Variants in ATR observed in about 807,000 individuals in gnomAD.
The protein encoded by ATR is serine/threonine-protein kinase ATR.
A neutral mutation model predicts 305.3 loss-of-function variants in ATR; 142 were observed. That is an observed-to-expected ratio of 0.47 (90% CI 0.41 to 0.53). ATR has a LOEUF of 0.53. ATR is among the 20% of genes least tolerant of loss of function. The pLI is 0.00. For synonymous variants in ATR, 1,050 were observed against 1,068.1 expected (o/e 0.98, Z 0.33); for missense variants, 2,135 against 3,133.1 (o/e 0.68, Z 7.60).
intron 21 of ATR, among the ~76,000 whole-genome samples, chr3:142,534,050 C>T (rs566099071): frequency 1.3e-5 from 2 of 152,062 alleles, no homozygotes; most frequent in Admixed American, 1.3e-4. Context: ...TTGGAAATAA[C>T]CTAAACTAGA....
chr3:142,562,628 A>C lies in ATR; in HGVS notation c.774T>G (p.Leu258=), dbSNP rs1401456560. The C allele has an allele frequency of 6.2e-7, 1 of 1,614,140 alleles. No homozygotes were observed. ...AISFLTELFQ[L]GGLPAQPAST... The stretch of plus-strand genomic sequence containing the variant: ...TAGCTGGTTGTGCTGGTAGTCCTCC[A>C]AGCTGAAAAAGTTCTGTTAAAAAGC... The change falls in exon 4 of 47, where the codon CTT becomes CTG. Residue 258 remains leucine (L), a synonymous_variant. Transcript: ENST00000350721.
intron 1 of ATR, among the ~76,000 whole-genome samples, chr3:142,570,991 C>G (rs1401831872): frequency 6.6e-6 from 1 of 152,160 alleles, no homozygotes; most frequent in African/African-American, 2.4e-5. Flanking sequence ...GACTCCTCTT[C>G]TTGGAACCAG....
In ATR at chr3:142,462,007, C is replaced by G. The variant is rs2108265987; in HGVS notation, c.7125G>C (p.Gly2375=). 2 of 1,613,542 alleles carry G rather than the reference C, an allele frequency of 1.2e-6. No homozygotes were observed. Among genetic ancestry groups the G allele is most frequent in the Non-Finnish European group, 1.7e-6 (2 of 1,179,680 alleles). Residue 2375 remains glycine (G), a synonymous_variant, in exon 42 of 47, where the codon GGG becomes GGC. Coordinates refer to ENST00000350721, the MANE Select transcript of ATR (RefSeq NM_001184.4). ...YAVIPLNDEC[G]IIEWVNNTAG... is the part of the protein sequence containing the mutation. ...CAGTGTTGTTCACCCATTCAATAATCCCACATTCATCATTTAGTGGAATAA... is the reference window on the plus strand; with the variant it reads ...CAGTGTTGTTCACCCATTCAATAATGCCACATTCATCATTTAGTGGAATAA...
chr3:142,468,010 A>T lies in ATR; in HGVS notation c.6611T>A (p.Met2204Lys), dbSNP rs2108276072. 6.2e-7 allele frequency: 1 copy of T among 1,613,120 alleles called. No individual in the cohort carries two copies. Among genetic ancestry groups the T allele is most frequent in the Non-Finnish European group, 8.5e-7 (1 of 1,179,498 alleles). ...AACAAACTTCTCTAAGGATTTTTTC[A>T]TATGAATAGCTTTATTGAGGATTTC... ...CKEILNKAIH[M>K]KKSLEKFVGD... Residue 2204 changes from methionine to lysine, a missense_variant, in exon 39 of 47, where the codon ATG (methionine) becomes AAG (lysine). By Grantham distance (95) the Met-to-Lys change is moderately conservative. Coordinates refer to ENST00000350721, the MANE Select transcript of ATR (RefSeq NM_001184.4).
intron 21 of ATR, among the ~76,000 whole-genome samples, chr3:142,526,568 T>C (rs1255044924): frequency 3.3e-5 from 5 of 151,988 alleles, no homozygotes; most frequent in African/African-American, 4.8e-5. Flanking sequence ...TGTACACATA[T>C]ACATTAAGAT....
chr3:142,476,602 TTAAAG>T (rs1378841129), intron 36 of ATR, among the ~76,000 whole-genome samples: 1 of 152,176 alleles, frequency 6.6e-6, no homozygotes, highest in Non-Finnish European at 1.5e-5. Context: ...CATATGAACT[TTAAAG>T]TAGTTTTTTC....
intron 1 of ATR, among the ~76,000 whole-genome samples, chr3:142,571,068 G>A (rs1224625593): frequency 6.6e-6 from 1 of 152,072 alleles, no homozygotes; most frequent in Non-Finnish European, 1.5e-5. Context: ...AGAATGGATG[G>A]GTACAGACGC....
intron 3 of ATR, 71 bp downstream of exon 3, chr3:142,566,050 T>C: frequency 6.3e-7 from 1 of 1,593,646 alleles, no homozygotes; most frequent in South Asian, 1.1e-5. Context: ...ACATGTAATA[T>C]TTCAGAAGAG....
intron 21 of ATR, among the ~76,000 whole-genome samples, chr3:142,533,704 A>T (rs1345568217): frequency 6.6e-6 from 1 of 152,130 alleles, no homozygotes; most frequent in African/African-American, 2.4e-5. Context: ...CCAGTTATAG[A>T]TGCTAAACTA....
intron 37 of ATR, among the ~76,000 whole-genome samples, 187 bp downstream of exon 37, chr3:142,469,893 GAATTAA>G (rs1559913498): frequency 6.6e-6 from 1 of 152,096 alleles, no homozygotes; most frequent in African/African-American, 2.4e-5. Context: ...TTGTGGCCCT[GAATTAA>G]AACTACTTTA....
intron 21 of ATR, among the ~76,000 whole-genome samples, chr3:142,529,658 G>C (rs766654060): frequency 6.6e-6 from 1 of 152,080 alleles, no homozygotes; most frequent in Non-Finnish European, 1.5e-5. Context: ...TTAAAACCGT[G>C]TTCTCATACA....
intron 24 of ATR, among the ~76,000 whole-genome samples, chr3:142,516,450 C>A (rs916808161): frequency 2.0e-5 from 3 of 152,154 alleles, no homozygotes; most frequent in African/African-American, 7.2e-5. Context: ...AGTCAGTGGG[C>A]CGCTAAAGTT....
intron 23 of ATR, 33 bp downstream of exon 23, chr3:142,522,695 T>C: frequency 6.6e-7 from 1 of 1,521,724 alleles, no homozygotes; most frequent in Non-Finnish European, 9.1e-7. Context: ...AATTAAACAA[T>C]TTAAAGCCAG....
intron 36 of ATR, among the ~76,000 whole-genome samples, chr3:142,473,540 C>G (rs1049923837): frequency 2.7e-5 from 4 of 150,556 alleles, no homozygotes; most frequent in Non-Finnish European, 5.9e-5. Context: ...ATGCCTTCAG[C>G]TTTATTCTTT....
intron 21 of ATR, among the ~76,000 whole-genome samples, chr3:142,528,879 A>ATTTTTTTTTTTTTTTT (rs1170239080): frequency 6.6e-5 from 2 of 30,488 alleles, no homozygotes; most frequent in Non-Finnish European, 5.0e-5. Context: ...ATATATATAT[A>ATTTTTTTTTTTTTTTT]TTTTTTTTTT....
At chr3:142,484,646 CCAA>C (rs1344927593) in intron 36 of ATR, among the ~76,000 whole-genome samples, 1 of 152,140 alleles carries the variant, frequency 6.6e-6, no homozygotes, top group African/African-American at 2.4e-5. Context: ...TGTGAGAACC[CCAA>C]CTTGAAGCCA....
chr3:142,533,829 A>G (rs1022415539), intron 21 of ATR, among the ~76,000 whole-genome samples: 6 of 152,206 alleles, frequency 3.9e-5, no homozygotes, highest in Admixed American at 6.5e-5. Context: ...TAGGTAATCT[A>G]TTAGCATTGG....
chr3:142,553,325 C>T lies in ATR; in HGVS notation c.2707G>A (p.Val903Ile). ...LHCLLSKSAS[V>I]SGAAYTEIRA... ...ATTTCTGTGTATGCTGCTCCAGAGACAGATGCTGACTTGGATAACAAACAA... is the reference window on the plus strand; with the variant it reads ...ATTTCTGTGTATGCTGCTCCAGAGATAGATGCTGACTTGGATAACAAACAA... Residue 903 changes from valine (V) to isoleucine (I), a missense_variant, in exon 13 of 47, where the codon GTC becomes ATC. This residue lies in a region of ATR where 530 missense variants were observed against 766.8 expected (regional missense o/e 0.69). Coordinates refer to ENST00000350721, the MANE Select transcript of ATR (RefSeq NM_001184.4). 8 of 1,614,036 alleles carry T rather than the reference C, an allele frequency of 5.0e-6. No homozygotes were observed. The highest frequency in any genetic ancestry group is 6.8e-6 in the Non-Finnish European group (8 of 1,179,970).
intron 45 of ATR, among the ~76,000 whole-genome samples, chr3:142,454,910 T>C (rs1170852375): frequency 6.6e-6 from 1 of 152,154 alleles, no homozygotes; most frequent in Non-Finnish European, 1.5e-5. Context: ...TATTCGACAC[T>C]GATTTAGTTA....
Sources: gnomAD v4.1 joint callset for allele counts (sites outside exome capture counted in the v4.1 genomes callset) on GRCh38, gnomAD v4.1.1 for gene constraint, gnomAD v4.1.1 regional missense constraint, MANE v1.5 for transcripts, NCBI Gene and HGNC (gene_info 2026-07-23, HGNC 2026-07-21) for gene names.